UCK2: variants seen among roughly 807,000 people sequenced by gnomAD.
The protein encoded by UCK2 is cytidine monophosphokinase 2.
Under a neutral mutation model 30.8 loss-of-function variants are expected in UCK2, and 6 were observed. The ratio of observed to expected loss-of-function variants is 0.19; its 90% CI spans 0.11 to 0.38. The LOEUF (loss-of-function observed/expected upper bound fraction) is 0.38. Ranked by LOEUF, UCK2 falls within the 10% of genes least tolerant of loss-of-function variation. The pLI is 1.00. For synonymous variants in UCK2, 125 were observed against 133.6 expected, an observed-to-expected ratio of 0.94 and a Z score of 0.45; for missense variants, 210 against 339.8, an observed-to-expected ratio of 0.62 and a Z score of 3.00.
At chr1:165,871,590 C>G (rs1655197491) in intron 1 of UCK2, among the ~76,000 whole-genome samples, 1 of 152,154 alleles carries the variant, frequency 6.6e-6, no homozygotes, top group Non-Finnish European at 1.5e-5. Flanking sequence ...TTTCAGGGTT[C>G]AAGGAGCTGC....
At chr1:165,850,276 A>G (rs1024069733) in intron 1 of UCK2, among the ~76,000 whole-genome samples, 1 of 151,062 alleles carries the variant, frequency 6.6e-6, no homozygotes, top group East Asian at 2.0e-4. Context: ...GATTACAGGC[A>G]TGCCCAACCA....
chr1:165,861,786 A>C (rs1488861935), intron 1 of UCK2, among the ~76,000 whole-genome samples: 1 of 152,184 alleles, frequency 6.6e-6, no homozygotes, highest in African/African-American at 2.4e-5. Context: ...AACCTTGTCC[A>C]AGGTCAGACA....
Position 165,909,952 on chromosome 1 carries a change from G to A in UCK2, c.*2129G>A, listed in dbSNP as rs1647796351. 6.6e-6 allele frequency: 1 copy of A among 152,288 alleles called. No homozygotes were observed. Among genetic ancestry groups the A allele is most frequent in the African/African-American group, 2.4e-5 (1 of 41,444 alleles). The allele number at this position is 152,288 out of a possible 1,614,324, so 9.4% of individuals were successfully genotyped here. ...CCTTGGCTGTTTATCCCACTGCCTTGGAAGATGGACTCCTCTCATCTCTGA... is the reference window on the plus strand; with the variant it reads ...CCTTGGCTGTTTATCCCACTGCCTTAGAAGATGGACTCCTCTCATCTCTGA... On this transcript the variant is annotated 3_prime_UTR_variant, in exon 7 of 7. Coordinates refer to ENST00000367879, the MANE Select transcript of UCK2 (RefSeq NM_012474.5).
At chr1:165,868,549 A>G (rs1267231009) in intron 1 of UCK2, among the ~76,000 whole-genome samples, 4 of 152,210 alleles carry the variant, frequency 2.6e-5, no homozygotes, top group East Asian at 3.8e-4. Flanking sequence ...ATCTAGCACA[A>G]TATGTTAGGG....
At chr1:165,891,943 A>G (rs1242237537) in intron 3 of UCK2, among the ~76,000 whole-genome samples, 1 of 151,856 alleles carries the variant, frequency 6.6e-6, no homozygotes, top group Non-Finnish European at 1.5e-5. Context: ...CCTGCTGGCC[A>G]GACCCCAGGC....
intron 1 of UCK2, among the ~76,000 whole-genome samples, chr1:165,833,480 C>T (rs115493674): frequency 1.7e-3 from 254 of 152,220 alleles, no homozygotes; most frequent in African/African-American, 5.9e-3. Flanking sequence ...CTGCTGCCTC[C>T]AGTAGTTCCT....
chr1:165,829,566 T>C (rs544058091), intron 1 of UCK2, among the ~76,000 whole-genome samples: 1 of 152,352 alleles, frequency 6.6e-6, no homozygotes, highest in Admixed American at 6.5e-5. Context: ...AACAAAATGA[T>C]CTTGGTAATC....
intron 1 of UCK2, among the ~76,000 whole-genome samples, chr1:165,877,655 C>T (rs142004349): frequency 1.2e-4 from 19 of 152,290 alleles, no homozygotes; most frequent in African/African-American, 3.6e-4. Context: ...GTTTAACCAT[C>T]GGCGTAATGA....
chr1:165,879,545 T>TTTATTATTATTATTA (rs59350667), intron 1 of UCK2, among the ~76,000 whole-genome samples: 8,770 of 146,796 alleles, frequency 0.06, 303 homozygotes, highest in South Asian at 0.098. Flanking sequence ...ATGTTTGCTT[T>TTTATTATTATTATTA]TTATTATTAT....
At chr1:165,896,975 CAG>C (rs1415370697) in intron 4 of UCK2, among the ~76,000 whole-genome samples, 1 of 152,178 alleles carries the variant, frequency 6.6e-6, no homozygotes, top group Admixed American at 6.5e-5. Flanking sequence ...GGGTATTCAG[CAG>C]AGAGTTCGCT....
chr1:165,861,653 A>AAAAACAGT (rs1654907639), intron 1 of UCK2, among the ~76,000 whole-genome samples: 1 of 114,394 alleles, frequency 8.7e-6, no homozygotes, highest in Non-Finnish European at 1.9e-5. Context: ...AAAAAAACAA[A>AAAAACAGT]AAAAAACAAC....
intron 1 of UCK2, among the ~76,000 whole-genome samples, chr1:165,833,309 C>G (rs1197757718): frequency 6.6e-6 from 1 of 152,146 alleles, no homozygotes; most frequent in Admixed American, 6.5e-5. Flanking sequence ...CCCTTTCCCC[C>G]TTACTCTAGC....
At chr1:165,868,801 A>G (rs1655117210) in intron 1 of UCK2, among the ~76,000 whole-genome samples, 1 of 152,212 alleles carries the variant, frequency 6.6e-6, no homozygotes, top group Non-Finnish European at 1.5e-5. Flanking sequence ...CTGGAGTGGT[A>G]CTTTTAATTG....
intron 1 of UCK2, among the ~76,000 whole-genome samples, chr1:165,864,011 C>A (rs10918298): frequency 0.67 from 102,020 of 151,934 alleles, 34,423 homozygotes; most frequent in South Asian, 0.77. Context: ...TTTGCTCTGC[C>A]ATCTTGGCTC....
At chr1:165,870,080 A>G (rs1177158959) in intron 1 of UCK2, among the ~76,000 whole-genome samples, 1 of 151,942 alleles carries the variant, frequency 6.6e-6, no homozygotes, top group African/African-American at 2.4e-5. Flanking sequence ...ATTTTCTCCT[A>G]AGACTTACAG....
At position 165,905,978 on chromosome 1, in the gene UCK2, C is replaced by G; in HGVS notation, c.646+9C>G. 1 of 1,613,000 alleles carries G rather than the reference C, an allele frequency of 6.2e-7. No homozygotes were observed. ...AGGTGCAGATAATCTGGGTGAGTCC[C>G]TGCAGAGTGTCATCCTGGAGTATAA... On this transcript the variant is annotated intron_variant, in intron 6 of 6. Transcript: ENST00000367879.
chr1:165,865,889 T>TA (rs1300194257), intron 1 of UCK2, among the ~76,000 whole-genome samples: 1 of 152,210 alleles, frequency 6.6e-6, no homozygotes, highest in East Asian at 1.9e-4. Flanking sequence ...CTTTTGATTC[T>TA]AAAAAGGTAG....
At chr1:165,901,947 CAAA>C (rs35032034) in intron 4 of UCK2, among the ~76,000 whole-genome samples, 1 of 109,144 alleles carries the variant, frequency 9.2e-6, no homozygotes, top group Non-Finnish European at 1.8e-5. Flanking sequence ...CCGTGTCTAC[CAAA>C]AAAAAAAAAA....
chr1:165,834,322 G>A (rs527678879), intron 1 of UCK2, among the ~76,000 whole-genome samples: 2 of 152,232 alleles, frequency 1.3e-5, no homozygotes, highest in South Asian at 4.1e-4. Context: ...CTTAAAACGA[G>A]CTAGAAAATT....
Sources: gnomAD v4.1 joint callset for allele counts (sites outside exome capture counted in the v4.1 genomes callset) on GRCh38, gnomAD v4.1.1 for gene constraint, MANE v1.5 for transcripts, NCBI Gene and HGNC (gene_info 2026-07-23, HGNC 2026-07-21) for gene names.